CACNA2D3: variants seen among roughly 807,000 people sequenced by gnomAD.
The protein encoded by CACNA2D3 is voltage-dependent calcium channel subunit alpha-2/delta-3.
A neutral mutation model predicts 160.6 loss-of-function variants in CACNA2D3; 60 were observed. That is an observed-to-expected ratio of 0.37 (90% CI 0.30 to 0.46). The LOEUF is 0.46. Among genes scored for constraint, CACNA2D3 ranks in the 20% least tolerant of loss-of-function variants. The probability of loss-of-function intolerance (pLI) is 1.00; values close to 1 mark genes in which losing one functional copy is unlikely to be tolerated. For synonymous variants in CACNA2D3, 558 were observed against 492.9 expected (o/e 1.13, Z -1.75); for missense variants, 1,205 against 1,365.0 (o/e 0.88, Z 1.85).
At chr3:54,968,067 A>G (rs1702189333) in intron 27 of CACNA2D3, among the ~76,000 whole-genome samples, 1 of 152,192 alleles carries the variant, frequency 6.6e-6, no homozygotes, top group Non-Finnish European at 1.5e-5. Flanking sequence ...TTAGACATGC[A>G]AGTTCAAACA....
chr3:54,640,861 C>T (rs991695016), intron 10 of CACNA2D3, among the ~76,000 whole-genome samples: 1 of 152,164 alleles, frequency 6.6e-6, no homozygotes, highest in African/African-American at 2.4e-5. Context: ...TATTGTCTCT[C>T]AAGTAGCCCA....
At chr3:54,912,202 G>C (rs1047782854) in intron 27 of CACNA2D3, among the ~76,000 whole-genome samples, 3 of 152,202 alleles carry the variant, frequency 2.0e-5, no homozygotes, top group Admixed American at 2.0e-4. Flanking sequence ...GGACAAGCAA[G>C]AGAGAGTGAG....
At chr3:54,135,480 A>G (rs1289238000) in intron 2 of CACNA2D3, among the ~76,000 whole-genome samples, 1 of 152,242 alleles carries the variant, frequency 6.6e-6, no homozygotes, top group Middle Eastern at 3.2e-3. Context: ...ACCCCCGGAC[A>G]TGAGGGGAGA....
chr3:54,863,195 A>C (rs1303049209), intron 17 of CACNA2D3, among the ~76,000 whole-genome samples: 4 of 152,184 alleles, frequency 2.6e-5, no homozygotes, highest in Non-Finnish European at 5.9e-5. Flanking sequence ...ATTTATTTCG[A>C]GGCTGTCTTG....
chr3:54,958,818 T>C (rs1701964147), intron 27 of CACNA2D3, among the ~76,000 whole-genome samples: 1 of 151,820 alleles, frequency 6.6e-6, no homozygotes, highest in Non-Finnish European at 1.5e-5. Context: ...AAAAATATTT[T>C]ATCTGCCTGG....
At chr3:54,202,362 G>A (rs1408771639) in intron 2 of CACNA2D3, among the ~76,000 whole-genome samples, 1 of 152,244 alleles carries the variant, frequency 6.6e-6, no homozygotes, top group Non-Finnish European at 1.5e-5. Context: ...TCATCTGGCT[G>A]TCTCACGCTG....
chr3:54,422,799 C>A (rs1389743623), intron 4 of CACNA2D3, among the ~76,000 whole-genome samples: 1 of 152,170 alleles, frequency 6.6e-6, no homozygotes, highest in Non-Finnish European at 1.5e-5. Flanking sequence ...TACGAACCAG[C>A]AACTCCACGC....
At chr3:54,546,163 T>C (rs991800878) in intron 5 of CACNA2D3, among the ~76,000 whole-genome samples, 1 of 152,060 alleles carries the variant, frequency 6.6e-6, no homozygotes, top group Admixed American at 6.5e-5. Flanking sequence ...GGCCTGGATG[T>C]GTGAAAGGAA....
chr3:55,062,722 G>A (rs533984453), intron 35 of CACNA2D3, among the ~76,000 whole-genome samples: 2 of 152,216 alleles, frequency 1.3e-5, no homozygotes, highest in East Asian at 3.9e-4. Context: ...TTTCTTATTT[G>A]TTTTGTTTAT....
At chr3:54,844,861 ATTAT>A (rs1698899741) in intron 16 of CACNA2D3, among the ~76,000 whole-genome samples, 1 of 152,346 alleles carries the variant, frequency 6.6e-6, no homozygotes, top group East Asian at 1.9e-4. Flanking sequence ...ACTATAAAAT[ATTAT>A]TTGTTTTGTT....
chr3:54,978,991 G>A (rs1702449605), intron 29 of CACNA2D3, among the ~76,000 whole-genome samples: 1 of 152,194 alleles, frequency 6.6e-6, no homozygotes, highest in South Asian at 2.1e-4. Context: ...TGTATACAGT[G>A]CAGCAAGAAT....
At position 54,420,074 on chromosome 3, in the gene CACNA2D3, T is replaced by TTTTG. The variant is rs545631199; in HGVS notation, c.381+33324_381+33327dup. Among the ~76,000 whole-genome samples the TTTTG allele has an allele frequency of 4.6e-4, 67 of 146,884 alleles. 1 individual carries two copies. Among genetic ancestry groups the TTTTG allele is most frequent in the African/African-American group, 8.1e-4 (32 of 39,536 alleles). The stretch of plus-strand genomic sequence containing the variant: ...AGCTACTGCACCCGGCCTATTCAGT[T>TTTTG]TTTGTTTGTTTGTTTGTTTGTTTGT... On this transcript the variant is annotated intron_variant, in intron 4 of 37. Transcript: ENST00000474759.
At chr3:54,420,386 A>G (rs564605472) in intron 4 of CACNA2D3, among the ~76,000 whole-genome samples, 27 of 152,204 alleles carry the variant, frequency 1.8e-4, no homozygotes, top group Non-Finnish European at 2.4e-4. Context: ...CCTTGTCCCT[A>G]TTCAGCTTTT....
chr3:54,262,028 G>T (rs1253441320), intron 2 of CACNA2D3, among the ~76,000 whole-genome samples: 9 of 152,146 alleles, frequency 5.9e-5, no homozygotes, highest in Admixed American at 5.9e-4. Flanking sequence ...GGGGATAGGG[G>T]TTTTGGGGGA....
In CACNA2D3 at chr3:55,033,778, TTA is replaced by T. The variant is rs371300811; in HGVS notation, c.2987+15467_2987+15468del. 3.8e-4 allele frequency among the ~76,000 whole-genome samples: 50 copies of T among 132,276 alleles called. 1 individual carries two copies. Among genetic ancestry groups the T allele is most frequent in the Non-Finnish European group, 6.8e-4 (43 of 63,086 alleles). 86.8% of individuals were successfully genotyped at this position (132,276 alleles called of 152,430 possible). On this transcript the variant is annotated intron_variant, in intron 35 of 37. Transcript: ENST00000474759. ...TTAAATATATATTATATAATATGTA[TTA>T]TATATTAAATATATTTTATATAATA...
chr3:54,309,706 G>A (rs1326364409), intron 2 of CACNA2D3, among the ~76,000 whole-genome samples: 2 of 152,152 alleles, frequency 1.3e-5, no homozygotes, highest in Admixed American at 6.5e-5. Flanking sequence ...ACCATGGAAA[G>A]TCATTTAGAC....
intron 13 of CACNA2D3, among the ~76,000 whole-genome samples, chr3:54,814,852 G>A (rs1174049897): frequency 1.3e-5 from 2 of 152,240 alleles, no homozygotes; most frequent in African/African-American, 4.8e-5. Flanking sequence ...TGTCAGAGAG[G>A]CCTGCAAAGT....
chr3:54,865,451 G>A (rs898511908), intron 17 of CACNA2D3, among the ~76,000 whole-genome samples: 1 of 152,174 alleles, frequency 6.6e-6, no homozygotes, highest in African/African-American at 2.4e-5. Flanking sequence ...AGGGAGTAGG[G>A]GCTGACAGAG....
At chr3:54,510,939 C>T (rs2106960937) in intron 5 of CACNA2D3, among the ~76,000 whole-genome samples, 1 of 152,290 alleles carries the variant, frequency 6.6e-6, no homozygotes, top group African/African-American at 2.4e-5. Flanking sequence ...TCCCCAAGCC[C>T]AGACCCCTTC....
Sources: gnomAD v4.1 joint callset for allele counts (sites outside exome capture counted in the v4.1 genomes callset) on GRCh38, gnomAD v4.1.1 for gene constraint, MANE v1.5 for transcripts, NCBI Gene and HGNC (gene_info 2026-07-23, HGNC 2026-07-21) for gene names.